NRG3: variants seen among roughly 807,000 people sequenced by gnomAD.
NRG3 encodes pro-neuregulin-3, membrane-bound isoform.
NRG3 carries 31 observed loss-of-function variants against 66.9 expected under a neutral mutation model. The ratio of observed to expected loss-of-function variants is 0.46; its 90% confidence interval spans 0.35 to 0.63. The LOEUF (loss-of-function observed/expected upper bound fraction) is 0.63, where lower values mean the gene tolerates loss of function less well. NRG3 is among the 20% of genes least tolerant of loss of function. The pLI, the probability that NRG3 is intolerant of heterozygous loss-of-function variation, is 0.00. For synonymous variants in NRG3, 393 were observed against 359.4 expected (o/e 1.09, Z -1.06); for missense variants, 910 against 878.9 (o/e 1.04, Z -0.45).
At chr10:82,776,866 T>C (rs974870015) in intron 3 of NRG3, among the ~76,000 whole-genome samples, 1 of 152,148 alleles carries the variant, frequency 6.6e-6, no homozygotes, top group African/African-American at 2.4e-5. Context: ...CTCTTGTATA[T>C]CATGAATTCC....
At chr10:82,397,547 G>C (rs1304084306) in intron 2 of NRG3, among the ~76,000 whole-genome samples, 1 of 152,094 alleles carries the variant, frequency 6.6e-6, no homozygotes, top group South Asian at 2.1e-4. Flanking sequence ...ATTTCTGCTT[G>C]TCCCATTCAG....
chr10:82,409,379 A>G (rs968812566), intron 2 of NRG3, among the ~76,000 whole-genome samples: 1 of 152,202 alleles, frequency 6.6e-6, no homozygotes, highest in Admixed American at 6.5e-5. Flanking sequence ...TTATTTATAA[A>G]TAATAAATTA....
chr10:82,563,283 C>T (rs528852484), intron 2 of NRG3, among the ~76,000 whole-genome samples: 1 of 152,178 alleles, frequency 6.6e-6, no homozygotes, highest in African/African-American at 2.4e-5. Context: ...ATTGGATGTA[C>T]ATATGCGTGC....
At chr10:82,966,181 C>T (rs1343114732) in intron 6 of NRG3, among the ~76,000 whole-genome samples, 6 of 152,180 alleles carry the variant, frequency 3.9e-5, no homozygotes, top group Non-Finnish European at 8.8e-5. Flanking sequence ...GGCATTCTCA[C>T]AATTGCTATT....
At chr10:82,207,175 G>A (rs1220506808) in intron 1 of NRG3, among the ~76,000 whole-genome samples, 1 of 152,132 alleles carries the variant, frequency 6.6e-6, no homozygotes, top group Non-Finnish European at 1.5e-5. Flanking sequence ...TTATAGTGCA[G>A]TACTATTAGA....
intron 3 of NRG3, among the ~76,000 whole-genome samples, chr10:82,748,279 C>G (rs2058723937): frequency 6.6e-6 from 1 of 151,256 alleles, no homozygotes; most frequent in Non-Finnish European, 1.5e-5. Context: ...GAAAAACAAC[C>G]AATATATGAT....
Position 82,521,090 on chromosome 10 carries a change from TAAAG to T in NRG3, c.953+162227_953+162230del, listed in dbSNP as rs372134554. 2.4e-4 allele frequency among the ~76,000 whole-genome samples: 37 copies of T among 152,254 alleles called. No individual in the cohort carries two copies. In the East Asian group the frequency reaches 7.2e-3, roughly 29 times the overall value. On this transcript the variant is annotated intron_variant, in intron 2 of 8. Transcript: ENST00000372141. ...ACCATAATAAATCAAATACTGCAATTAAAGAAAGTCACACTCTTTTGATTTATCA... is the reference window on the plus strand; with the variant it reads ...ACCATAATAAATCAAATACTGCAATTAAAGTCACACTCTTTTGATTTATCA...
At chr10:82,915,389 A>T (rs967226452) in intron 4 of NRG3, among the ~76,000 whole-genome samples, 1 of 152,230 alleles carries the variant, frequency 6.6e-6, no homozygotes, top group Non-Finnish European at 1.5e-5. Flanking sequence ...ATAATCACAT[A>T]TGACTTTGTA....
chr10:81,932,191 G>GGAGAGAGAGATTGAGAGAAAGAGAGA (rs1847425825), intron 1 of NRG3, among the ~76,000 whole-genome samples: 1 of 146,186 alleles, frequency 6.8e-6, no homozygotes, highest in Non-Finnish European at 1.5e-5. Flanking sequence ...GAGAGAGAGA[G>GGAGAGAGAGATTGAGAGAAAGAGAGA]GAGAGAGAGA....
At chr10:82,279,795 C>A (rs983893994) in intron 1 of NRG3, among the ~76,000 whole-genome samples, 4 of 152,176 alleles carry the variant, frequency 2.6e-5, no homozygotes, top group Admixed American at 1.3e-4. Flanking sequence ...ACATGTTTTA[C>A]AGCTTAACTT....
At chr10:82,473,508 A>G (rs1027699430) in intron 2 of NRG3, among the ~76,000 whole-genome samples, 1 of 152,218 alleles carries the variant, frequency 6.6e-6, no homozygotes, top group African/African-American at 2.4e-5. Context: ...CTAGAAACGG[A>G]CTAAAATAAC....
rs1445279956 is a variant in NRG3 at position 82,226,923 on chromosome 10, A to C, written c.824-131816A>C. Reference sequence around the variant, plus strand: ...GGGAGAACTTTGAAACACATTTCCCAGAAACTCTCAATTGACAAATGTGGA... The same window carrying C: ...GGGAGAACTTTGAAACACATTTCCCCGAAACTCTCAATTGACAAATGTGGA... On this transcript the variant is annotated intron_variant, in intron 1 of 8. Coordinates refer to ENST00000372141, the MANE Select transcript of NRG3 (RefSeq NM_001010848.4). 9.8e-5 allele frequency among the ~76,000 whole-genome samples: 15 copies of C among 152,286 alleles called. No homozygotes were observed. In the East Asian group the frequency reaches 2.3e-3, roughly 24 times the overall value.
In NRG3 at chr10:82,736,941, G is replaced by GAAATGA. The variant is rs1214989441; in HGVS notation, c.954-1627_954-1622dup. On this transcript the variant is annotated intron_variant, in intron 2 of 8. Transcript: ENST00000372141. ...GTAGGACGTAATTCATTATTATTGG[G>GAAATGA]AAATGAAAATGAAAGCACCATGGTA... 9.4e-4 allele frequency among the ~76,000 whole-genome samples: 143 copies of GAAATGA among 152,262 alleles called. 1 individual carries two copies. Among genetic ancestry groups the GAAATGA allele is most frequent in the African/African-American group, 3.3e-3 (136 of 41,556 alleles).
chr10:82,012,610 C>A (rs936396378), intron 1 of NRG3, among the ~76,000 whole-genome samples: 7 of 152,152 alleles, frequency 4.6e-5, no homozygotes, highest in Admixed American at 1.3e-4. Flanking sequence ...CAAACCATAT[C>A]TTTGTGAATA....
At chr10:82,358,320 A>G (rs866698432) in intron 1 of NRG3, among the ~76,000 whole-genome samples, 1 of 152,304 alleles carries the variant, frequency 6.6e-6, no homozygotes, top group Middle Eastern at 3.4e-3. Flanking sequence ...ATTGGATTCC[A>G]CAGAACAGTC....
intron 3 of NRG3, among the ~76,000 whole-genome samples, chr10:82,824,675 G>A (rs879649708): frequency 1.6e-4 from 24 of 149,960 alleles, no homozygotes; most frequent in Non-Finnish European, 2.4e-4. Context: ...TTTTTTTTGA[G>A]AACTGTATAT....
At chr10:82,037,432 A>G (rs926210257) in intron 1 of NRG3, among the ~76,000 whole-genome samples, 2 of 152,206 alleles carry the variant, frequency 1.3e-5, no homozygotes, top group Non-Finnish European at 1.5e-5. Context: ...TCTCTGGTGT[A>G]GGCACATGAC....
At chr10:82,085,157 C>T (rs2065643029) in intron 1 of NRG3, among the ~76,000 whole-genome samples, 2 of 152,150 alleles carry the variant, frequency 1.3e-5, no homozygotes, top group Non-Finnish European at 2.9e-5. Flanking sequence ...TCTCTACATC[C>T]TCCTGAGAGA....
At chr10:82,926,921 T>C (rs1311521622) in intron 4 of NRG3, among the ~76,000 whole-genome samples, 1 of 152,206 alleles carries the variant, frequency 6.6e-6, no homozygotes, top group Non-Finnish European at 1.5e-5. Context: ...TTTATTTTCT[T>C]TATCTTTGGG....
Sources: gnomAD v4.1 joint callset for allele counts (sites outside exome capture counted in the v4.1 genomes callset) on GRCh38, gnomAD v4.1.1 for gene constraint, MANE v1.5 for transcripts, NCBI Gene and HGNC (gene_info 2026-07-23, HGNC 2026-07-21) for gene names.